The following SH3GL3 variants were observed in gnomAD, a reference collection of about 807,000 sequenced individuals.
SH3GL3 encodes endophilin-A3.
Under a neutral mutation model 47.7 loss-of-function variants are expected in SH3GL3, and 33 were observed. The ratio of observed to expected loss-of-function variants is 0.69; its 90% CI spans 0.52 to 0.92. The LOEUF is 0.92. Among genes scored for constraint, SH3GL3 ranks in the 40% least tolerant of loss-of-function variants. SH3GL3 has a pLI of 0.00. For synonymous variants in SH3GL3, 155 were observed against 148.8 expected (o/e 1.04, Z -0.30); for missense variants, 363 against 417.8 (o/e 0.87, Z 1.14).
intron 1 of SH3GL3, among the ~76,000 whole-genome samples, chr15:83,494,435 G>T (rs2041998237): frequency 6.6e-6 from 1 of 152,166 alleles, no homozygotes; most frequent in South Asian, 2.1e-4. Flanking sequence ...GCTGAAGCAA[G>T]TTCTTCTCTC....
intron 8 of SH3GL3, among the ~76,000 whole-genome samples, chr15:83,615,133 C>T (rs979632419): frequency 8.6e-5 from 13 of 151,374 alleles, no homozygotes; most frequent in African/African-American, 3.2e-4. Context: ...TAAGATTAAT[C>T]TTATTAATAC....
intron 1 of SH3GL3, among the ~76,000 whole-genome samples, chr15:83,476,260 G>A (rs1399239323): frequency 6.6e-6 from 1 of 152,202 alleles, no homozygotes; most frequent in African/African-American, 2.4e-5. Context: ...CTCAAGAGCA[G>A]GCTTGTGTGA....
At chr15:83,560,230 G>A (rs761071542) in intron 2 of SH3GL3, among the ~76,000 whole-genome samples, 1 of 152,184 alleles carries the variant, frequency 6.6e-6, no homozygotes, top group Non-Finnish European at 1.5e-5. Context: ...GCTGGGGAAG[G>A]AAGTCCAGCC....
intron 8 of SH3GL3, among the ~76,000 whole-genome samples, chr15:83,600,588 T>G (rs939853895): frequency 6.6e-6 from 1 of 152,250 alleles, no homozygotes; most frequent in Non-Finnish European, 1.5e-5. Context: ...TTTTGGTGAC[T>G]GTGGCCTTAT....
chr15:83,569,932 AG>A (rs2045736169), intron 4 of SH3GL3, among the ~76,000 whole-genome samples: 1 of 152,172 alleles, frequency 6.6e-6, no homozygotes, highest in African/African-American at 2.4e-5. Flanking sequence ...ATGTTGATGA[AG>A]CTTTGTCCCA....
chr15:83,499,077 C>T (rs150107483), intron 1 of SH3GL3, among the ~76,000 whole-genome samples: 2 of 152,194 alleles, frequency 1.3e-5, no homozygotes, highest in African/African-American at 4.8e-5. Flanking sequence ...CGTTTCCTTC[C>T]TCTTCCCCCA....
chr15:83,483,304 T>C (rs929410298), intron 1 of SH3GL3, among the ~76,000 whole-genome samples: 3 of 152,184 alleles, frequency 2.0e-5, no homozygotes, highest in East Asian at 1.9e-4. Flanking sequence ...GTGCAAACTT[T>C]CTGTGCTGAT....
At chr15:83,520,007 G>T (rs2043139542) in intron 1 of SH3GL3, among the ~76,000 whole-genome samples, 1 of 152,222 alleles carries the variant, frequency 6.6e-6, no homozygotes, top group Non-Finnish European at 1.5e-5. Context: ...AAGACTCCGG[G>T]TCAGAGGGTC....
intron 1 of SH3GL3, among the ~76,000 whole-genome samples, chr15:83,469,383 C>G (rs953071258): frequency 6.6e-6 from 1 of 151,996 alleles, no homozygotes; most frequent in African/African-American, 2.4e-5. Flanking sequence ...TGCATATTTT[C>G]CTTCCACACC....
At chr15:83,511,453 A>G (rs1418076591) in intron 1 of SH3GL3, among the ~76,000 whole-genome samples, 1 of 152,234 alleles carries the variant, frequency 6.6e-6, no homozygotes, top group Non-Finnish European at 1.5e-5. Flanking sequence ...AATTTACGTG[A>G]CGTCAGATAT....
At chr15:83,564,178 A>G (rs2045425494) in intron 2 of SH3GL3, among the ~76,000 whole-genome samples, 1 of 152,100 alleles carries the variant, frequency 6.6e-6, no homozygotes, top group African/African-American at 2.4e-5. Context: ...TTTTAGGTTG[A>G]TATTTTTAAT....
chr15:83,485,613 C>T (rs1030248460), intron 1 of SH3GL3, among the ~76,000 whole-genome samples: 2 of 152,004 alleles, frequency 1.3e-5, no homozygotes, highest in African/African-American at 2.4e-5. Context: ...CCTCCCAAGT[C>T]GCTGGAACTA....
intron 1 of SH3GL3, among the ~76,000 whole-genome samples, chr15:83,479,305 G>A (rs755601512): frequency 4.0e-5 from 6 of 151,890 alleles, no homozygotes; most frequent in Non-Finnish European, 5.9e-5. Context: ...AGCAGACCTC[G>A]ATTTGTGTAG....
chr15:83,609,351 A>G (rs969654920), intron 8 of SH3GL3: 10 of 455,760 alleles, frequency 2.2e-5, no homozygotes, highest in Non-Finnish European at 4.0e-5. Context: ...AAAAAGTGAC[A>G]GGTCGCAGCC....
intron 1 of SH3GL3, among the ~76,000 whole-genome samples, chr15:83,494,432 C>G (rs1254392902): frequency 6.6e-6 from 1 of 152,154 alleles, no homozygotes; most frequent in East Asian, 1.9e-4. Context: ...TGTGCTGAAG[C>G]AAGTTCTTCT....
At chr15:83,500,024 G>A (rs2042233086) in intron 1 of SH3GL3, among the ~76,000 whole-genome samples, 1 of 152,224 alleles carries the variant, frequency 6.6e-6, no homozygotes, top group Non-Finnish European at 1.5e-5. Flanking sequence ...GGGTCGGGAA[G>A]TCCTGTTGAC....
chr15:83,573,885 T>C (rs1044404155), intron 5 of SH3GL3, among the ~76,000 whole-genome samples: 2 of 152,086 alleles, frequency 1.3e-5, no homozygotes, highest in Non-Finnish European at 2.9e-5. Context: ...AGGTGTAGGG[T>C]AGAGAGACAA....
chr15:83,557,602 A>T (rs1278115827), intron 1 of SH3GL3, among the ~76,000 whole-genome samples: 1 of 152,224 alleles, frequency 6.6e-6, no homozygotes, highest in Non-Finnish European at 1.5e-5. Flanking sequence ...AGTCACCTGC[A>T]GGTCAGCTGG....
intron 6 of SH3GL3, among the ~76,000 whole-genome samples, chr15:83,580,252 A>C (rs2059796756): frequency 6.6e-6 from 1 of 152,008 alleles, no homozygotes; most frequent in East Asian, 1.9e-4. Context: ...ATGGCTGGGG[A>C]GGGCTGGATT....
Sources: gnomAD v4.1 joint callset for allele counts (sites outside exome capture counted in the v4.1 genomes callset) on GRCh38, gnomAD v4.1.1 for gene constraint, MANE v1.5 for transcripts, NCBI Gene and HGNC (gene_info 2026-07-23, HGNC 2026-07-21) for gene names.